Variants in NSG2 observed in about 807,000 individuals in gnomAD.
NSG2 encodes the protein neuronal vesicle trafficking associated 2, also known as neuronal vesicle trafficking-associated protein 2.
A neutral mutation model predicts 16.9 loss-of-function variants in NSG2; 4 were observed. The observed-to-expected ratio is 0.24, with a 90% CI of 0.12 to 0.54. NSG2 has a LOEUF of 0.54. NSG2 is among the 20% of genes least tolerant of loss of function. The pLI is 0.95. For missense variants in NSG2, 179 were observed against 221.1 expected, an observed-to-expected ratio of 0.81 and a Z score of 1.21; for synonymous variants, 98 against 88.7, an observed-to-expected ratio of 1.11 and a Z score of -0.59.
chr5:174,057,825 A>G (rs1759988714), intron 2 of NSG2, among the ~76,000 whole-genome samples: 1 of 151,940 alleles, frequency 6.6e-6, no homozygotes, highest in Non-Finnish European at 1.5e-5. Flanking sequence ...GGCCTCCCGG[A>G]TGTCTTCTGA....
intron 3 of NSG2, 72 bp from the exon 4 acceptor site, chr5:174,104,156 C>G (rs1436618039): frequency 9.5e-7 from 1 of 1,057,768 alleles, no homozygotes; most frequent in Non-Finnish European, 1.5e-6. Context: ...CAGTTCTAGG[C>G]TCTGAAAGCT....
At chr5:174,069,454 A>C (rs1329461872) in intron 3 of NSG2, among the ~76,000 whole-genome samples, 3 of 152,128 alleles carry the variant, frequency 2.0e-5, no homozygotes, top group African/African-American at 7.2e-5. Context: ...CCTGGGCTTG[A>C]GACTAGGCTC....
chr5:174,075,307 C>G (rs68108116), intron 3 of NSG2, among the ~76,000 whole-genome samples: 23,918 of 151,910 alleles, frequency 0.16, 2,468 homozygotes, highest in African/African-American at 0.29. Flanking sequence ...TGACCCAGAG[C>G]GGTATGTGCA....
chr5:174,075,553 C>T (rs902056581), intron 3 of NSG2, among the ~76,000 whole-genome samples: 1 of 152,108 alleles, frequency 6.6e-6, no homozygotes. Flanking sequence ...CACTGTTTGG[C>T]CGAGTCCTGA....
At chr5:174,053,395 G>A (rs1759921918) in intron 2 of NSG2, among the ~76,000 whole-genome samples, 1 of 152,174 alleles carries the variant, frequency 6.6e-6, no homozygotes, top group African/African-American at 2.4e-5. Flanking sequence ...TTCACAGGTG[G>A]GTGTGGGGCG....
chr5:174,056,111 G>A (rs1759964510), intron 2 of NSG2: 1 of 152,168 alleles, frequency 6.6e-6, no homozygotes, highest in Non-Finnish European at 1.5e-5. Context: ...AGTTTTTATG[G>A]CCTCCCTATT....
chr5:174,085,840 G>A (rs1019586849), intron 3 of NSG2, among the ~76,000 whole-genome samples: 2 of 152,232 alleles, frequency 1.3e-5, no homozygotes, highest in Admixed American at 6.5e-5. Context: ...CTGGCTGTGC[G>A]AGGCTAGGAA....
At chr5:174,090,982 C>T (rs1209883624) in intron 3 of NSG2, among the ~76,000 whole-genome samples, 1 of 152,006 alleles carries the variant, frequency 6.6e-6, no homozygotes, top group Non-Finnish European at 1.5e-5. Context: ...ATTTAATTTT[C>T]CAAACCAACT....
chr5:174,088,114 T>C (rs1358548475), intron 3 of NSG2, among the ~76,000 whole-genome samples: 1 of 152,202 alleles, frequency 6.6e-6, no homozygotes, highest in Non-Finnish European at 1.5e-5. Flanking sequence ...TTGACTTAGA[T>C]GCCATTTACT....
intron 3 of NSG2, among the ~76,000 whole-genome samples, chr5:174,100,490 T>G (rs1179505014): frequency 6.6e-6 from 1 of 152,162 alleles, no homozygotes; most frequent in East Asian, 1.9e-4. Flanking sequence ...CTGGACAGCC[T>G]TGTCCTGGAC....
intron 3 of NSG2, among the ~76,000 whole-genome samples, chr5:174,092,858 T>G (rs1760741876): frequency 6.6e-6 from 1 of 151,966 alleles, no homozygotes; most frequent in Non-Finnish European, 1.5e-5. Context: ...GTGTGTAAAA[T>G]GGGATGGAAC....
intron 4 of NSG2, among the ~76,000 whole-genome samples, chr5:174,104,632 A>G (rs1254434301): frequency 6.6e-6 from 1 of 152,130 alleles, no homozygotes; most frequent in Non-Finnish European, 1.5e-5. Flanking sequence ...GGACTGTTCC[A>G]TTTTGGGAAA....
At chr5:174,070,949 G>A (rs1426799538) in intron 3 of NSG2, among the ~76,000 whole-genome samples, 1 of 152,196 alleles carries the variant, frequency 6.6e-6, no homozygotes, top group African/African-American at 2.4e-5. Context: ...ATGGTCTCAG[G>A]AGCATCCCTG....
chr5:174,098,632 A>G (rs1341667802), intron 3 of NSG2, among the ~76,000 whole-genome samples: 11 of 152,106 alleles, frequency 7.2e-5, no homozygotes, highest in Admixed American at 7.2e-4. Flanking sequence ...TGTTCAGACC[A>G]CATTCAGTGC....
chr5:174,105,098 A>G (rs1015031691), intron 4 of NSG2, among the ~76,000 whole-genome samples: 1 of 152,208 alleles, frequency 6.6e-6, no homozygotes, highest in Non-Finnish European at 1.5e-5. Context: ...TTCCTTAAAC[A>G]TTATCTCAAT....
intron 3 of NSG2, among the ~76,000 whole-genome samples, chr5:174,086,035 C>T (rs1202475898): frequency 6.6e-6 from 1 of 152,092 alleles, no homozygotes; most frequent in African/African-American, 2.4e-5. Context: ...AGATGGTGGC[C>T]TGTACATATT....
intron 2 of NSG2, among the ~76,000 whole-genome samples, chr5:174,060,064 G>A (rs557849035): frequency 5.3e-5 from 8 of 152,296 alleles, no homozygotes; most frequent in African/African-American, 1.4e-4. Context: ...AGTGAGGCAG[G>A]GGTGGGTTCC....
At chr5:174,094,133 A>C (rs1760760778) in intron 3 of NSG2, among the ~76,000 whole-genome samples, 1 of 152,134 alleles carries the variant, frequency 6.6e-6, no homozygotes, top group Non-Finnish European at 1.5e-5. Flanking sequence ...AGAATGAGAT[A>C]CTCTAGAGTT....
intron 2 of NSG2, among the ~76,000 whole-genome samples, chr5:174,054,129 A>G (rs908243211): frequency 3.9e-5 from 6 of 152,262 alleles, no homozygotes; most frequent in African/African-American, 1.4e-4. Flanking sequence ...CAGCGTGGAA[A>G]GCTATAACAG....
Sources: allele counts gnomAD v4.1 joint callset (sites outside exome capture counted in the v4.1 genomes callset), GRCh38; gene constraint gnomAD v4.1.1; transcripts MANE v1.5; gene names NCBI Gene and HGNC (gene_info 2026-07-23, HGNC 2026-07-21).